The following CACNA1D variants were observed in gnomAD, a reference collection of about 807,000 sequenced individuals.
CACNA1D encodes voltage-dependent L-type calcium channel subunit alpha-1D.
A neutral mutation model predicts 257.1 loss-of-function variants in CACNA1D; 55 were observed. That is an observed-to-expected ratio of 0.21 (90% CI 0.17 to 0.27). The LOEUF (loss-of-function observed/expected upper bound fraction) is 0.27, where lower values mean the gene tolerates loss of function less well. Ranked by LOEUF, CACNA1D falls within the 10% of genes least tolerant of loss-of-function variation. The probability of loss-of-function intolerance (pLI) is 1.00; values close to 1 mark genes in which losing one functional copy is unlikely to be tolerated. For missense variants in CACNA1D, 1,876 were observed against 2,784.0 expected (o/e 0.67, Z 7.34); for synonymous variants, 980 against 1,014.9 (o/e 0.97, Z 0.65).
chr3:53,795,167 A>G (rs2095502114), intron 40 of CACNA1D, among the ~76,000 whole-genome samples: 1 of 152,232 alleles, frequency 6.6e-6, no homozygotes. Context: ...GTTTTTAAAA[A>G]TCAGCTCCCC....
intron 18 of CACNA1D, 66 bp downstream of exon 18, chr3:53,732,148 T>A (rs1288820261): frequency 1.6e-6 from 2 of 1,251,664 alleles, no homozygotes; most frequent in Non-Finnish European, 2.3e-6. Flanking sequence ...TGTGACCACC[T>A]GCCGAGTCTG....
intron 3 of CACNA1D, among the ~76,000 whole-genome samples, chr3:53,507,548 G>A (rs936127403): frequency 6.6e-6 from 1 of 152,004 alleles, no homozygotes; most frequent in East Asian, 1.9e-4. Flanking sequence ...TGCCTGGGAG[G>A]TCAAGACTAT....
chr3:53,704,581 C>T (rs1016016477), intron 9 of CACNA1D, among the ~76,000 whole-genome samples: 2 of 152,226 alleles, frequency 1.3e-5, no homozygotes, highest in African/African-American at 4.8e-5. Context: ...GTTGAGCCAA[C>T]GTGAACCCCA....
At chr3:53,569,949 A>G (rs2092914691) in intron 3 of CACNA1D, among the ~76,000 whole-genome samples, 1 of 152,242 alleles carries the variant, frequency 6.6e-6, no homozygotes, top group Admixed American at 6.5e-5. Flanking sequence ...TGCATCTAGC[A>G]TAATCTCTGG....
Position 53,812,035 on chromosome 3 carries a change from G to C in CACNA1D, c.*629G>C, listed in dbSNP as rs2095602873. 6.6e-6 allele frequency: 1 copy of C among 152,458 alleles called. No homozygotes were observed. Among genetic ancestry groups the C allele is most frequent in the Non-Finnish European group, 1.5e-5 (1 of 68,044 alleles). The allele number at this position is 152,458 out of a possible 1,614,324, so 9.4% of individuals were successfully genotyped here. A position where few individuals can be genotyped will look rare whatever the true frequency, so the allele number is the denominator to read the frequency against. ...TGTGATGTGACGCCAGTTTACATAA[G>C]AGAATATCACTCCGATGGTCGGTTT... is the stretch of plus-strand genomic sequence containing the variant. On this transcript the variant is annotated 3_prime_UTR_variant, in exon 48 of 48. Transcript: ENST00000350061.
chr3:53,794,813 CTTATG>C (rs761266522), intron 40 of CACNA1D, among the ~76,000 whole-genome samples: 3 of 152,222 alleles, frequency 2.0e-5, no homozygotes, highest in Non-Finnish European at 4.4e-5. Flanking sequence ...AAAGAACATC[CTTATG>C]TTATGCAAAT....
intron 12 of CACNA1D, 137 bp downstream of exon 12, chr3:53,722,611 C>A: frequency 1.1e-6 from 1 of 906,110 alleles, no homozygotes; most frequent in Non-Finnish European, 1.8e-6. Flanking sequence ...GTAGAACCAT[C>A]CAGACACAGC....
intron 29 of CACNA1D, among the ~76,000 whole-genome samples, chr3:53,756,108 A>G (rs1443431870): frequency 1.3e-5 from 2 of 152,240 alleles, no homozygotes; most frequent in Non-Finnish European, 2.9e-5. Context: ...TAGGGGACAC[A>G]GGCTGGCAGA....
At chr3:53,600,267 G>T (rs1171229736) in intron 3 of CACNA1D, among the ~76,000 whole-genome samples, 1 of 152,200 alleles carries the variant, frequency 6.6e-6, no homozygotes, top group Non-Finnish European at 1.5e-5. Context: ...TCTCTTTTCA[G>T]CTTCCTCCTC....
chr3:53,792,729 G>T (rs2095490003), intron 40 of CACNA1D, among the ~76,000 whole-genome samples: 1 of 152,150 alleles, frequency 6.6e-6, no homozygotes, highest in Non-Finnish European at 1.5e-5. Context: ...GACTGACAGG[G>T]TCAGTCCCAG....
At chr3:53,676,064 G>A (rs997123783) in intron 8 of CACNA1D, among the ~76,000 whole-genome samples, 2 of 152,158 alleles carry the variant, frequency 1.3e-5, no homozygotes, top group Non-Finnish European at 2.9e-5. Context: ...AGAGGCGAGG[G>A]GTGCCAGGAT....
intron 40 of CACNA1D, among the ~76,000 whole-genome samples, chr3:53,795,897 C>T (rs1038732914): frequency 6.6e-6 from 1 of 152,116 alleles, no homozygotes; most frequent in African/African-American, 2.4e-5. Context: ...GGTCATGTTA[C>T]CCCTGACTTT....
chr3:53,548,964 C>G (rs1425200666), intron 3 of CACNA1D, among the ~76,000 whole-genome samples: 7 of 152,072 alleles, frequency 4.6e-5, no homozygotes, highest in African/African-American at 1.7e-4. Context: ...TGTTAGATAT[C>G]ATTAGTTAAA....
rs551641150 is a variant in CACNA1D, at chr3:53,557,482, G to A, written c.483+55762G>A. 4.6e-5 allele frequency among the ~76,000 whole-genome samples: 7 copies of A among 151,602 alleles called. No individual in the cohort carries two copies. In the East Asian group the frequency reaches 1.4e-3, roughly 29 times the overall value. ...GCACTCCAGCCTGGGCGACAAGAGCGAAACTCTGTCTCAAAAAAAAAGAAA... is the reference window on the plus strand; with the variant it reads ...GCACTCCAGCCTGGGCGACAAGAGCAAAACTCTGTCTCAAAAAAAAAGAAA... On this transcript the variant is annotated intron_variant, in intron 3 of 47. Transcript: ENST00000350061.
chr3:53,512,271 A>G (rs2091144907), intron 3 of CACNA1D, among the ~76,000 whole-genome samples: 1 of 152,224 alleles, frequency 6.6e-6, no homozygotes, highest in Admixed American at 6.5e-5. Flanking sequence ...GTGGCAAAGT[A>G]GAGACAGCCA....
chr3:53,747,720 A>G (rs751841179), intron 26 of CACNA1D, among the ~76,000 whole-genome samples: 1 of 152,212 alleles, frequency 6.6e-6, no homozygotes, highest in Non-Finnish European at 1.5e-5. Context: ...ATGAACTCCC[A>G]TTGGATGTCA....
rs921125369 is a variant in CACNA1D, at chr3:53,779,936, T to C, written c.4588-90T>C. On this transcript the variant is annotated intron_variant, in intron 37 of 47. Transcript: ENST00000350061. ...AATTGAGGGTTGACTAGAAAAGAGA[T>C]GAGTGATAAACGGAAAATAAACATC... 19 of 922,690 alleles carry C rather than the reference T, an allele frequency of 2.1e-5. No homozygotes were observed. The South Asian group carries it at 2.4e-4, about 11-fold the overall frequency. The allele number at this position is 922,690 out of a possible 1,614,324, so 57.2% of individuals were successfully genotyped here.
In CACNA1D at chr3:53,770,562, A is replaced by C. The variant is rs1559657359; in HGVS notation, c.4044+10A>C. On this transcript the variant is annotated intron_variant, in intron 32 of 47. Coordinates refer to ENST00000350061, the MANE Select transcript of CACNA1D (RefSeq NM_001128840.3). ...TATTAAGTCCTTTCAGGTAAGAGCC[A>C]TGCCAAGGACTTCTCTCTTTGTCTT... 1.2e-6 allele frequency: 2 copies of C among 1,613,394 alleles called. No homozygotes were observed. The highest frequency in any genetic ancestry group is 2.2e-5 in the East Asian group (1 of 44,880).
At chr3:53,754,514 T>C (rs1027931584) in intron 29 of CACNA1D, among the ~76,000 whole-genome samples, 6 of 152,200 alleles carry the variant, frequency 3.9e-5, no homozygotes, top group African/African-American at 1.4e-4. Context: ...AGTAAAGAGT[T>C]CCCATATACG....
Sources: gnomAD v4.1 joint callset for allele counts (sites outside exome capture counted in the v4.1 genomes callset) on GRCh38, gnomAD v4.1.1 for gene constraint, MANE v1.5 for transcripts, NCBI Gene and HGNC (gene_info 2026-07-23, HGNC 2026-07-21) for gene names.